ANK3: variants seen among roughly 807,000 people sequenced by gnomAD.
ANK3 encodes the protein ankyrin-3.
A neutral mutation model predicts 370.9 loss-of-function variants in ANK3; 57 were observed. The ratio of observed to expected loss-of-function variants is 0.15; its 90% CI spans 0.12 to 0.19. The LOEUF (loss-of-function observed/expected upper bound fraction) is 0.19, where lower values mean the gene tolerates loss of function less well. Among genes scored for constraint, ANK3 ranks in the 10% least tolerant of loss-of-function variants. ANK3 has a pLI of 1.00. For missense variants in ANK3, 4,439 were observed against 5,302.1 expected (o/e 0.84, Z 5.06); for synonymous variants, 1,929 against 1,946.3 (o/e 0.99, Z 0.23).
chr10:60,436,944 A>T (rs1217120143), intron 2 of ANK3, among the ~76,000 whole-genome samples: 3 of 152,238 alleles, frequency 2.0e-5, no homozygotes, highest in Non-Finnish European at 2.9e-5. Flanking sequence ...AGAATCAGTT[A>T]TCACATGGGG....
intron 8 of ANK3, among the ~76,000 whole-genome samples, chr10:60,229,102 A>T (rs2097206093): frequency 1.3e-5 from 2 of 152,206 alleles, no homozygotes; most frequent in African/African-American, 4.8e-5. Context: ...TCCTTCAAAG[A>T]TATTCTCTCG....
chr10:60,315,358 T>G (rs977404141), intron 1 of ANK3, among the ~76,000 whole-genome samples: 3 of 152,186 alleles, frequency 2.0e-5, no homozygotes, highest in African/African-American at 7.2e-5. Flanking sequence ...TAACTTTCAC[T>G]GAGGTGTGCA....
intron 40 of ANK3, chr10:60,060,234 T>A (rs1163888819): frequency 5.6e-6 from 2 of 354,838 alleles, no homozygotes; most frequent in African/African-American, 4.2e-5. Flanking sequence ...TTGTTTCTGT[T>A]TTGGAAATTA....
At chr10:60,632,425 A>C (rs2078497093) in intron 1 of ANK3, among the ~76,000 whole-genome samples, 1 of 152,176 alleles carries the variant, frequency 6.6e-6, no homozygotes, top group East Asian at 1.9e-4. Flanking sequence ...GGAAAGCATA[A>C]AGTTTAAGAT....
intron 16 of ANK3, among the ~76,000 whole-genome samples, chr10:60,194,942 G>T (rs975005230): frequency 6.6e-6 from 1 of 152,154 alleles, no homozygotes; most frequent in African/African-American, 2.4e-5. Flanking sequence ...TCTAAATGGA[G>T]AGAGTACCTA....
At chr10:60,522,314 C>T (rs2076365728) in intron 2 of ANK3, among the ~76,000 whole-genome samples, 1 of 150,488 alleles carries the variant, frequency 6.6e-6, no homozygotes, top group Non-Finnish European at 1.5e-5. Context: ...ATGGCTCTGA[C>T]ACAAAGGGAC....
chr10:60,670,183 C>A (rs1393192613), intron 1 of ANK3, among the ~76,000 whole-genome samples: 2 of 152,078 alleles, frequency 1.3e-5, no homozygotes, highest in Non-Finnish European at 2.9e-5. Context: ...GACCTCCCCC[C>A]AAACAACTGA....
At chr10:60,316,691 T>C (rs2047492782) in intron 1 of ANK3, among the ~76,000 whole-genome samples, 1 of 152,216 alleles carries the variant, frequency 6.6e-6, no homozygotes, top group Admixed American at 6.5e-5. Flanking sequence ...CTGTCTCGCA[T>C]ATGCCTATAT....
intron 1 of ANK3, among the ~76,000 whole-genome samples, chr10:60,673,640 C>A (rs1477542632): frequency 1.3e-5 from 2 of 152,214 alleles, no homozygotes; most frequent in Non-Finnish European, 2.9e-5. Context: ...GCATGAACCA[C>A]CACGCCCAGC....
intron 18 of ANK3, among the ~76,000 whole-genome samples, chr10:60,178,867 C>T (rs1045005698): frequency 1.3e-5 from 2 of 151,890 alleles, no homozygotes; most frequent in Non-Finnish European, 1.5e-5. Flanking sequence ...GATTATTATA[C>T]CCTGTGGCAC....
Position 60,521,649 on chromosome 10 carries a change from C to A in ANK3, c.96+93537G>T, listed in dbSNP as rs556371613. 7.2e-5 allele frequency among the ~76,000 whole-genome samples: 11 copies of A among 152,168 alleles called. No individual in the cohort carries two copies. In the South Asian group the frequency reaches 1.5e-3, roughly 20 times the overall value. On this transcript the variant is annotated intron_variant, in intron 2 of 43. Transcript: ENST00000373827. ...TTGGATAATGCTGTGGAATTAAGCA[C>A]CCTAGTCATTTTAATGTTTTACATT... is the stretch of plus-strand genomic sequence containing the variant.
chr10:60,548,696 T>C (rs1048514306), intron 2 of ANK3, among the ~76,000 whole-genome samples: 1 of 152,206 alleles, frequency 6.6e-6, no homozygotes, highest in Non-Finnish European at 1.5e-5. Flanking sequence ...TTCTAATGCA[T>C]AACTAATTCC....
intron 2 of ANK3, among the ~76,000 whole-genome samples, chr10:60,567,926 G>T (rs1438962769): frequency 6.6e-6 from 1 of 152,132 alleles, no homozygotes; most frequent in Non-Finnish European, 1.5e-5. Context: ...TGATTGAATT[G>T]CAAGAGAACT....
intron 8 of ANK3, among the ~76,000 whole-genome samples, chr10:60,228,734 A>T (rs1197402737): frequency 1.3e-5 from 2 of 152,086 alleles, no homozygotes; most frequent in Non-Finnish European, 2.9e-5. Context: ...TGTCTAACTG[A>T]TGTAGAGCTA....
intron 2 of ANK3, among the ~76,000 whole-genome samples, chr10:60,517,687 A>G (rs2076252781): frequency 6.6e-6 from 1 of 152,166 alleles, no homozygotes; most frequent in Non-Finnish European, 1.5e-5. Context: ...ACAAGATGGC[A>G]CATTTCAAAG....
At chr10:60,175,403 T>A (rs1037721848) in intron 18 of ANK3, among the ~76,000 whole-genome samples, 1 of 152,182 alleles carries the variant, frequency 6.6e-6, no homozygotes. Flanking sequence ...TTCTTTCCAA[T>A]CAGCAGTAAC....
intron 36 of ANK3, among the ~76,000 whole-genome samples, chr10:60,077,081 G>A (rs2084012423): frequency 6.6e-6 from 1 of 152,150 alleles, no homozygotes; most frequent in African/African-American, 2.4e-5. Flanking sequence ...CAACTGATGT[G>A]CAAACTGTGA....
At chr10:60,060,181 T>C in intron 40 of ANK3, 1 of 471,814 alleles carries the variant, frequency 2.1e-6, no homozygotes, top group Non-Finnish European at 3.6e-6. Context: ...ATAAAAAGCC[T>C]AGTGCAAACT....
At chr10:60,332,007 T>C (rs1266084154) in intron 1 of ANK3, among the ~76,000 whole-genome samples, 1 of 152,170 alleles carries the variant, frequency 6.6e-6, no homozygotes, top group Non-Finnish European at 1.5e-5. Flanking sequence ...GTAATTCATT[T>C]GAACAACTCA....
Sources: gnomAD v4.1 joint callset for allele counts (sites outside exome capture counted in the v4.1 genomes callset) on GRCh38, gnomAD v4.1.1 for gene constraint, MANE v1.5 for transcripts, NCBI Gene and HGNC (gene_info 2026-07-23, HGNC 2026-07-21) for gene names.